The following ASTN2 variants were observed in gnomAD, a reference collection of about 807,000 sequenced individuals.
ASTN2 encodes the protein astrotactin-2.
A neutral mutation model predicts 139.8 loss-of-function variants in ASTN2; 54 were observed. That is an observed-to-expected ratio of 0.39 (90% CI 0.31 to 0.48). ASTN2 has a LOEUF of 0.48. Among genes scored for constraint, ASTN2 ranks in the 20% least tolerant of loss-of-function variants. ASTN2 has a pLI of 0.95. For synonymous variants in ASTN2, 756 were observed against 719.5 expected (o/e 1.05, Z -0.81); for missense variants, 1,565 against 1,725.1 (o/e 0.91, Z 1.64).
intron 2 of ASTN2, among the ~76,000 whole-genome samples, chr9:117,250,808 A>C (rs1833516485): frequency 6.6e-6 from 1 of 152,126 alleles, no homozygotes; most frequent in African/African-American, 2.4e-5. Context: ...AGCATATGGG[A>C]GTGTGTACTC....
chr9:116,424,415 G>A lies in ASTN2; in HGVS notation c.*1436C>T, dbSNP rs1847252289. On this transcript the variant is annotated 3_prime_UTR_variant, in exon 23 of 23. Transcript: ENST00000313400. Reference sequence around the variant, plus strand: ...TATAAATAGTCATGGATGCTTCAAGGCAGCATCAAGCTTCTTGCCCAAAGC... The same window carrying A: ...TATAAATAGTCATGGATGCTTCAAGACAGCATCAAGCTTCTTGCCCAAAGC... Among the ~76,000 whole-genome samples the A allele has an allele frequency of 6.6e-6, 1 of 151,948 alleles. No individual in the cohort carries two copies. The highest frequency in any genetic ancestry group is 1.5e-5 in the Non-Finnish European group (1 of 68,000).
chr9:116,828,740 C>G (rs1831715673), intron 11 of ASTN2, among the ~76,000 whole-genome samples: 1 of 152,078 alleles, frequency 6.6e-6, no homozygotes, highest in Non-Finnish European at 1.5e-5. Flanking sequence ...AAAAGTTATC[C>G]AAGCTGGAAA....
chr9:116,535,717 A>C (rs765287560), intron 19 of ASTN2, among the ~76,000 whole-genome samples: 6 of 152,190 alleles, frequency 3.9e-5, no homozygotes, highest in Admixed American at 3.9e-4. Context: ...GTTTCTGCTG[A>C]GAGATCAGCT....
intron 5 of ASTN2, among the ~76,000 whole-genome samples, chr9:117,043,226 AATG>A (rs2132654418): frequency 6.6e-6 from 1 of 152,164 alleles, no homozygotes; most frequent in East Asian, 1.9e-4. Flanking sequence ...AAAAATATGT[AATG>A]ATAAGTCTAG....
In ASTN2 at chr9:117,305,711, A is replaced by G. The variant is rs76573982; in HGVS notation, c.443-14198T>C. On this transcript the variant is annotated intron_variant, in intron 1 of 22. Transcript: ENST00000313400. ...TAAAATGTAACCACTTAATCTAAAA[A>G]TAATAAAAAGGCTAACACTTATTAA... is the stretch of plus-strand genomic sequence containing the variant. 1.4e-3 allele frequency among the ~76,000 whole-genome samples: 219 copies of G among 152,344 alleles called. 1 individual carries two copies. The highest frequency in any genetic ancestry group is 0.01 in the Middle Eastern group (3 of 294).
chr9:116,878,443 T>C (rs745821623), intron 10 of ASTN2, among the ~76,000 whole-genome samples: 5 of 152,084 alleles, frequency 3.3e-5, no homozygotes, highest in Non-Finnish European at 5.9e-5. Flanking sequence ...AGCAAACTAA[T>C]GCAGGAACAG....
At chr9:117,152,471 G>A (rs1480143447) in intron 3 of ASTN2, among the ~76,000 whole-genome samples, 1 of 152,110 alleles carries the variant, frequency 6.6e-6, no homozygotes, top group Non-Finnish European at 1.5e-5. Context: ...ATCTGGATGT[G>A]GCTGCAACAT....
chr9:117,378,492 C>A (rs1484851766), intron 1 of ASTN2, among the ~76,000 whole-genome samples: 1 of 152,166 alleles, frequency 6.6e-6, no homozygotes, highest in Non-Finnish European at 1.5e-5. Context: ...TCCTTATTTG[C>A]AGTATGAAGA....
chr9:117,125,716 AG>A (rs1409066558), intron 4 of ASTN2, among the ~76,000 whole-genome samples: 2 of 152,164 alleles, frequency 1.3e-5, no homozygotes, highest in African/African-American at 4.8e-5. Context: ...CATATCCGTC[AG>A]GGCAGGTTGT....
chr9:116,895,729 G>C (rs1333207622), intron 10 of ASTN2, among the ~76,000 whole-genome samples: 5 of 152,144 alleles, frequency 3.3e-5, no homozygotes, highest in Non-Finnish European at 7.4e-5. Flanking sequence ...ATACTGATCA[G>C]GGTGAACTGA....
chr9:116,609,901 GAT>G (rs1332912931), intron 19 of ASTN2, among the ~76,000 whole-genome samples: 3 of 152,024 alleles, frequency 2.0e-5, no homozygotes, highest in Non-Finnish European at 4.4e-5. Context: ...AGGTAACTGT[GAT>G]ATGTTAGATA....
intron 1 of ASTN2, among the ~76,000 whole-genome samples, chr9:117,410,865 G>C (rs370969627): frequency 6.6e-6 from 1 of 152,158 alleles, no homozygotes; most frequent in Non-Finnish European, 1.5e-5. Context: ...AAGGGTCATT[G>C]GATGTCATTT....
intron 5 of ASTN2, among the ~76,000 whole-genome samples, chr9:117,064,245 C>T (rs761675242): frequency 8.6e-4 from 130 of 151,984 alleles, no homozygotes; most frequent in Admixed American, 1.4e-3. Context: ...CAGCCAGGGC[C>T]GCTGGGATGG....
intron 13 of ASTN2, among the ~76,000 whole-genome samples, chr9:116,794,334 G>T (rs1830636059): frequency 6.6e-6 from 1 of 152,000 alleles, no homozygotes; most frequent in Non-Finnish European, 1.5e-5. Context: ...CTGACCTCAG[G>T]TGATCCACCC....
chr9:116,510,793 GCTCT>G (rs1323861046), intron 19 of ASTN2, among the ~76,000 whole-genome samples: 1 of 151,952 alleles, frequency 6.6e-6, no homozygotes, highest in Non-Finnish European at 1.5e-5. Flanking sequence ...TCATGATTTG[GCTCT>G]CTGTTTGTCT....
intron 19 of ASTN2, among the ~76,000 whole-genome samples, chr9:116,586,812 T>TTA: frequency 1.3e-5 from 1 of 79,940 alleles, no homozygotes; most frequent in African/African-American, 7.2e-5. Context: ...CAGTTGAAAT[T>TTA]CACACACACA....
chr9:116,749,746 A>G (rs1829348748), intron 13 of ASTN2, among the ~76,000 whole-genome samples: 1 of 152,146 alleles, frequency 6.6e-6, no homozygotes, highest in Non-Finnish European at 1.5e-5. Context: ...ATCCCCATGG[A>G]TGGTTTAACA....
At chr9:116,529,859 T>C (rs1851246336) in intron 19 of ASTN2, among the ~76,000 whole-genome samples, 1 of 152,016 alleles carries the variant, frequency 6.6e-6, no homozygotes, top group Non-Finnish European at 1.5e-5. Context: ...TCCTGAGGCC[T>C]TCCCAGCCAT....
At chr9:116,721,216 C>T (rs1258847209) in intron 16 of ASTN2, among the ~76,000 whole-genome samples, 1 of 152,120 alleles carries the variant, frequency 6.6e-6, no homozygotes, top group Admixed American at 6.5e-5. Context: ...GAATGAATCA[C>T]TTTGCTCAAG....
Sources: allele counts gnomAD v4.1 joint callset (sites outside exome capture counted in the v4.1 genomes callset), GRCh38; gene constraint gnomAD v4.1.1; transcripts MANE v1.5; gene names NCBI Gene and HGNC (gene_info 2026-07-23, HGNC 2026-07-21).